Variants in MDM4 observed in about 807,000 individuals in gnomAD.
MDM4 encodes protein Mdm4.
Under a neutral mutation model 60.2 loss-of-function variants are expected in MDM4, and 2 were observed. That is an observed-to-expected ratio of 0.03 (90% confidence interval 0.01 to 0.10). The LOEUF (loss-of-function observed/expected upper bound fraction) is 0.10. MDM4 is among the 10% of genes least tolerant of loss of function. The pLI, the probability that MDM4 is intolerant of heterozygous loss-of-function variation, is 1.00. For synonymous variants in MDM4, 202 were observed against 198.1 expected (o/e 1.02, Z -0.17); for missense variants, 447 against 577.5 (o/e 0.77, Z 2.32).
In MDM4 at chr1:204,546,806, G is replaced by T; in HGVS notation, c.832G>T (p.Val278Leu). The T allele has an allele frequency of 1.9e-6, 3 of 1,611,840 alleles. No individual in the cohort carries two copies. Among genetic ancestry groups the T allele is most frequent in the Non-Finnish European group, 2.5e-6 (3 of 1,178,232 alleles). Residue 278 changes from valine to leucine, a missense_variant, in exon 10 of 11, where the codon GTG becomes TTG. Around this residue, in one of 8 missense-constraint regions of MDM4, gnomAD observed 184 missense variants for 179.3 expected, o/e 1.03. Transcript: ENST00000367182. ...GTTTTTGCCTTCACAGGTGATTGAA[G>T]TGGGAAAAAATGATGACCTGGAGGA... The part of the protein sequence containing the change: ...GKVSDKKVIE[V>L]GKNDDLEDSK...
intron 5 of MDM4, among the ~76,000 whole-genome samples, chr1:204,535,144 T>A (rs1434802773): frequency 6.6e-6 from 1 of 151,812 alleles, no homozygotes; most frequent in African/African-American, 2.4e-5. Context: ...TGCCATTGTT[T>A]AAAATGGTAG....
chr1:204,548,910 T>C (rs945844975), intron 10 of MDM4, among the ~76,000 whole-genome samples: 5 of 152,098 alleles, frequency 3.3e-5, no homozygotes, highest in African/African-American at 9.7e-5. Context: ...AGATTTTGGC[T>C]TGAAAATAGC....
At chr1:204,516,700 C>T (rs1659009063) in intron 1 of MDM4, among the ~76,000 whole-genome samples, 191 bp downstream of exon 1, 3 of 151,944 alleles carry the variant, frequency 2.0e-5, no homozygotes, top group Admixed American at 2.0e-4. Context: ...GATGAGGGCT[C>T]GCGGAAGATA....
intron 7 of MDM4, among the ~76,000 whole-genome samples, chr1:204,540,353 C>T (rs989056775): frequency 7.9e-5 from 12 of 152,018 alleles, no homozygotes; most frequent in African/African-American, 2.9e-4. Context: ...GCAAATATTC[C>T]AAATCCAGAA....
intron 9 of MDM4, among the ~76,000 whole-genome samples, chr1:204,545,620 T>C (rs1049467242): frequency 2.0e-5 from 3 of 152,224 alleles, no homozygotes; most frequent in African/African-American, 7.2e-5. Flanking sequence ...TGGGTTCTCT[T>C]AGACTAGTTA....
intron 3 of MDM4, chr1:204,529,524 G>A: frequency 2.7e-6 from 4 of 1,507,790 alleles, no homozygotes; most frequent in Non-Finnish European, 3.6e-6. Context: ...ACCAGCTGGT[G>A]GTCCATAAGG....
intron 1 of MDM4, among the ~76,000 whole-genome samples, chr1:204,524,758 C>T (rs1659944349): frequency 6.6e-6 from 1 of 152,228 alleles, no homozygotes; most frequent in African/African-American, 2.4e-5. Flanking sequence ...GCCTGGGGGA[C>T]AGCGAGACTG....
At chr1:204,545,126 G>A (rs1191605332) in intron 9 of MDM4, among the ~76,000 whole-genome samples, 1 of 152,078 alleles carries the variant, frequency 6.6e-6, no homozygotes, top group Non-Finnish European at 1.5e-5. Context: ...TTTATGTGTG[G>A]CCCAAGACAA....
At chr1:204,540,369 G>A (rs1661932679) in intron 7 of MDM4, among the ~76,000 whole-genome samples, 3 of 152,046 alleles carry the variant, frequency 2.0e-5, no homozygotes, top group Admixed American at 6.5e-5. Flanking sequence ...CAGAAAAATT[G>A]TTTTTGCCCT....
chr1:204,518,433 C>CA, intron 1 of MDM4, among the ~76,000 whole-genome samples: 1 of 152,190 alleles, frequency 6.6e-6, no homozygotes, highest in Non-Finnish European at 1.5e-5. Context: ...AGAACACCTA[C>CA]GTTCTGGATT....
rs181135634 is a variant in MDM4, at chr1:204,538,862, C to T, written c.511+554C>T. 6.2e-3 allele frequency among the ~76,000 whole-genome samples: 890 copies of T among 142,942 alleles called. 12 individuals are homozygous for T. Among genetic ancestry groups the T allele is most frequent in the African/African-American group, 0.021 (851 of 40,138 alleles). The allele number at this position is 142,942 out of a possible 152,430, so 93.8% of individuals were successfully genotyped here. ...CTGAGATTACAGGTGTGTGCCACCA[C>T]GCCTGGCTTTTTTTTTTTTTTTTTT... On this transcript the variant is annotated intron_variant, in intron 7 of 10. Coordinates refer to ENST00000367182, the MANE Select transcript of MDM4 (RefSeq NM_002393.5).
At chr1:204,528,392 A>G (rs1660462085) in intron 3 of MDM4, among the ~76,000 whole-genome samples, 2 of 152,306 alleles carry the variant, frequency 1.3e-5, no homozygotes, top group South Asian at 2.1e-4. Flanking sequence ...AATCTCTCTC[A>G]TGCTTGGTCA....
In MDM4 at chr1:204,549,224, C is replaced by T. The variant is rs752216927; in HGVS notation, c.1015C>T (p.His339Tyr). The T allele has an allele frequency of 2.5e-6, 4 of 1,613,794 alleles. No individual in the cohort carries two copies. Among genetic ancestry groups the T allele is most frequent in the Admixed American group, 3.3e-5 (2 of 60,008 alleles). ...DWYSDCSKLTHSLSTSDITAI... is the reference protein window; with the variant it reads ...DWYSDCSKLTYSLSTSDITAI... ...GTATTCAGATTGTTCAAAGTTAACC[C>T]ATTCTCTCTCCACGTCTGATATCAC... Residue 339 changes from histidine to tyrosine, a missense_variant, in exon 11 of 11, where the codon CAT (histidine) becomes TAT (tyrosine). Transcript: ENST00000367182.
Position 204,557,958 on chromosome 1 carries a change from C to T in MDM4, c.*8276C>T, listed in dbSNP as rs1663641621. 1 of 183,434 alleles carries T rather than the reference C, an allele frequency of 5.5e-6. No homozygotes were observed. The highest frequency in any genetic ancestry group is 1.2e-5 in the Non-Finnish European group (1 of 86,692). The allele number at this position is 183,434 out of a possible 1,614,324, so 11.4% of individuals were successfully genotyped here. A position where few individuals can be genotyped will look rare whatever the true frequency, so the allele number is the denominator to read the frequency against. On this transcript the variant is annotated 3_prime_UTR_variant, in exon 11 of 11. Transcript: ENST00000367182. ...AACAACTTATTGAATGTGGCCAGCTCACTAGATGAGGAAAGAGGAAGGCAT... is the reference window on the plus strand; with the variant it reads ...AACAACTTATTGAATGTGGCCAGCTTACTAGATGAGGAAAGAGGAAGGCAT...
intron 6 of MDM4, 44 bp from the exon 7 acceptor site, chr1:204,538,165 C>G (rs759645397): frequency 9.5e-7 from 1 of 1,049,646 alleles, no homozygotes; most frequent in South Asian, 1.3e-5. Context: ...CCCCTGGTCT[C>G]AGTTATTTCT....
In MDM4 at chr1:204,538,267, C is replaced by G; in HGVS notation, c.470C>G (p.Thr157Arg). 1.9e-6 allele frequency: 3 copies of G among 1,609,626 alleles called. No individual in the cohort carries two copies. Among genetic ancestry groups the G allele is most frequent in the Non-Finnish European group, 2.6e-6 (3 of 1,175,850 alleles). ...AGAACTACAGAAGACGATATCCCCA[C>G]ACTGCCTACCTCAGAGCATAAATGC... ...RKRTTEDDIP[T>R]LPTSEHKCIH... Residue 157 changes from threonine to arginine, a missense_variant, in exon 7 of 11, where the codon ACA becomes AGA. By Grantham distance (71) the Thr-to-Arg change is moderately conservative. Coordinates refer to ENST00000367182, the MANE Select transcript of MDM4 (RefSeq NM_002393.5).
chr1:204,523,196 G>A (rs1179549405), intron 1 of MDM4, among the ~76,000 whole-genome samples: 1 of 150,098 alleles, frequency 6.7e-6, no homozygotes. Flanking sequence ...TTGTCCAGAC[G>A]TGGTGGCTCA....
At chr1:204,526,909 T>G (rs1660245067) in intron 3 of MDM4, among the ~76,000 whole-genome samples, 1 of 152,210 alleles carries the variant, frequency 6.6e-6, no homozygotes, top group Admixed American at 6.5e-5. Flanking sequence ...GAACATCATA[T>G]TTCCTTTCTT....
Position 204,532,079 on chromosome 1 carries a change from A to T in MDM4, c.288-112A>T. 4.6e-6 allele frequency: 3 copies of T among 657,516 alleles called. No homozygotes were observed. In the East Asian group the frequency reaches 8.3e-5, roughly 18 times the overall value. 40.7% of individuals were successfully genotyped at this position (657,516 alleles called of 1,614,324 possible). The stretch of plus-strand genomic sequence containing the variant: ...AAGATTCTGCCTTTGTATGCCTTAC[A>T]GAGAGACTTGGGAGATAACATCAGA... On this transcript the variant is annotated intron_variant, in intron 4 of 10. Coordinates refer to ENST00000367182, the MANE Select transcript of MDM4 (RefSeq NM_002393.5).
Sources: allele counts gnomAD v4.1 joint callset (sites outside exome capture counted in the v4.1 genomes callset), GRCh38; gene constraint gnomAD v4.1.1; regional missense constraint gnomAD v4.1.1; transcripts MANE v1.5; gene names NCBI Gene and HGNC (gene_info 2026-07-23, HGNC 2026-07-21).